The following SHMT1 variants were observed in gnomAD, a reference collection of about 807,000 sequenced individuals.
SHMT1 encodes serine hydroxymethyltransferase, cytosolic.
In SHMT1, 45 loss-of-function variants were observed where a neutral mutation model predicts 49.0. The ratio of observed to expected loss-of-function variants is 0.92; its 90% CI spans 0.72 to 1.18. SHMT1 has a LOEUF of 1.18. Among genes scored for constraint, SHMT1 ranks in the 50% most tolerant of loss-of-function variants. SHMT1 has a pLI of 0.00. For synonymous variants in SHMT1, 232 were observed against 246.6 expected, an observed-to-expected ratio of 0.94 and a Z score of 0.55; for missense variants, 541 against 612.4, an observed-to-expected ratio of 0.88 and a Z score of 1.23.
At chr17:18,348,530 G>A in intron 3 of SHMT1, 90 bp from the exon 4 acceptor site, 1 of 890,590 alleles carries the variant, frequency 1.1e-6, no homozygotes, top group Non-Finnish European at 1.9e-6. Flanking sequence ...GTGGGACAGT[G>A]AAACTAAAGT....
At chr17:18,355,165 C>T (rs1421615911) in intron 2 of SHMT1, among the ~76,000 whole-genome samples, 22 of 145,000 alleles carry the variant, frequency 1.5e-4, no homozygotes, top group African/African-American at 4.9e-4. Context: ...GTCAGGAGAT[C>T]GAGACCATCC....
At chr17:18,361,962 G>C (rs1427853202) in intron 1 of SHMT1, among the ~76,000 whole-genome samples, 1 of 152,110 alleles carries the variant, frequency 6.6e-6, no homozygotes, top group African/African-American at 2.4e-5. Flanking sequence ...CAGGGAAAAA[G>C]ACCTAGTAAG....
intron 3 of SHMT1, among the ~76,000 whole-genome samples, chr17:18,350,628 C>T (rs968317138): frequency 6.6e-6 from 1 of 152,086 alleles, no homozygotes; most frequent in Non-Finnish European, 1.5e-5. Flanking sequence ...GACAACGAGA[C>T]CTTGTCATTC....
intron 1 of SHMT1, among the ~76,000 whole-genome samples, chr17:18,359,027 G>A (rs1451022801): frequency 1.3e-5 from 2 of 150,862 alleles, no homozygotes; most frequent in African/African-American, 4.9e-5. Context: ...AGGCCAAGGC[G>A]TGCGGATCAT....
Position 18,340,930 on chromosome 17 carries a change from G to C in SHMT1, c.520-117C>G, listed in dbSNP as rs746014169. 1.3e-6 allele frequency: 1 copy of C among 768,092 alleles called. No individual in the cohort carries two copies. Among genetic ancestry groups the C allele is most frequent in the Non-Finnish European group, 2.3e-6 (1 of 439,984 alleles). 47.6% of individuals were successfully genotyped at this position (768,092 alleles called of 1,614,324 possible). A position where few individuals can be genotyped will look rare whatever the true frequency, so the allele number is the denominator to read the frequency against. On this transcript the variant is annotated intron_variant, in intron 5 of 11. Transcript: ENST00000316694. This position sits in a 1 kb window ranked among gnomAD's most constrained non-coding sequence, Gnocchi z 4.5. ...CAAGAGGAATGATGTCCTAGATGAG[G>C]ACTTGAGGGTGAGACAGGATGGATA...
intron 3 of SHMT1, among the ~76,000 whole-genome samples, chr17:18,352,692 T>C (rs1353253841): frequency 2.0e-5 from 3 of 151,618 alleles, no homozygotes; most frequent in Non-Finnish European, 4.4e-5. Context: ...TGGTGGTGTG[T>C]GCCTGTAGTC....
At chr17:18,357,853 G>T (rs1329947248) in intron 1 of SHMT1, among the ~76,000 whole-genome samples, 1 of 142,168 alleles carries the variant, frequency 7.0e-6, no homozygotes, top group Non-Finnish European at 1.5e-5. Context: ...CCTACCTACT[G>T]AGCTAGGACT....
chr17:18,330,751 G>A lies in SHMT1; in HGVS notation c.1055-80C>T. 5.8e-6 allele frequency: 6 copies of A among 1,025,642 alleles called. No individual in the cohort carries two copies. The South Asian group carries it at 7.7e-5, about 13-fold the overall frequency. The allele number at this position is 1,025,642 out of a possible 1,614,324, so 63.5% of individuals were successfully genotyped here. Reference sequence around the variant, plus strand: ...ATCTCTGAGAAACGAAGGCGAGGATGAAGGCAGTCAAAGCAGATGAGGTCA... The same window carrying A: ...ATCTCTGAGAAACGAAGGCGAGGATAAAGGCAGTCAAAGCAGATGAGGTCA... On this transcript the variant is annotated intron_variant, in intron 9 of 11. Transcript: ENST00000316694.
intron 5 of SHMT1, among the ~76,000 whole-genome samples, chr17:18,345,100 G>A (rs897407228): frequency 6.6e-6 from 1 of 152,176 alleles, no homozygotes; most frequent in African/African-American, 2.4e-5. Context: ...CAGCGGGTGA[G>A]CTGCACCTCC....
rs572187052 is a variant in SHMT1, at chr17:18,332,144, G to A, written c.1054+1022C>T. The A allele has an allele frequency of 5.9e-5, 9 of 152,388 alleles. No homozygotes were observed. In the East Asian group the frequency reaches 1.7e-3, roughly 29 times the overall value. 9.4% of individuals were successfully genotyped at this position (152,388 alleles called of 1,614,324 possible). ...ACTAGTCCGTGGCCCGGAGGTTGGG[G>A]ACTCCTGAGCTAAAGCACCCTGAAG... On this transcript the variant is annotated intron_variant, in intron 9 of 11. Transcript: ENST00000316694.
rs1231229173 is a variant in SHMT1, at chr17:18,328,028, G to A, written c.*722C>T. On this transcript the variant is annotated 3_prime_UTR_variant, in exon 12 of 12. Transcript: ENST00000316694. ...CATCTATGTTTTGCACTTCAGCTAC[G>A]TGAAAATAAAATTTCTTTGGGAAGG... 8 of 152,534 alleles carry A rather than the reference G, an allele frequency of 5.2e-5. No homozygotes were observed. Among genetic ancestry groups the A allele is most frequent in the Admixed American group, 2.6e-4 (4 of 15,268 alleles). 9.4% of individuals were successfully genotyped at this position (152,534 alleles called of 1,614,324 possible).
chr17:18,350,094 C>T (rs973137452), intron 3 of SHMT1, among the ~76,000 whole-genome samples: 5 of 151,902 alleles, frequency 3.3e-5, no homozygotes, highest in East Asian at 1.9e-4. Context: ...TTTCGGAGGC[C>T]GAGGCGGGCG....
chr17:18,332,680 T>G (rs1567769619), intron 9 of SHMT1: 1 of 225,618 alleles, frequency 4.4e-6, no homozygotes, highest in South Asian at 6.5e-5. Context: ...AGCTCCAGAA[T>G]GTACAGATCC....
In SHMT1 at chr17:18,330,597, G is replaced by T; in HGVS notation, c.1129C>A (p.Leu377Ile). 1 of 1,614,110 alleles carries T rather than the reference G, an allele frequency of 6.2e-7. No homozygotes were observed. Among genetic ancestry groups the T allele is most frequent in the Non-Finnish European group, 8.5e-7 (1 of 1,179,940 alleles). Residue 377 changes from leucine to isoleucine, a missense_variant, in exon 10 of 12, where the codon CTA (leucine) becomes ATA (isoleucine). Coordinates refer to ENST00000316694, the MANE Select transcript of SHMT1 (RefSeq NM_004169.5). ...GTDGGRAEKV[L>I]EACSIACNKN... ...TTGCAGGCAATAGAACAGGCTTCTAGCACCTTCTCAGCCCTTCCACCATCT... is the reference window on the plus strand; with the variant it reads ...TTGCAGGCAATAGAACAGGCTTCTATCACCTTCTCAGCCCTTCCACCATCT...
intron 1 of SHMT1, among the ~76,000 whole-genome samples, chr17:18,358,148 C>CT (rs1986423512): frequency 1.3e-5 from 1 of 75,398 alleles, no homozygotes; most frequent in Admixed American, 1.5e-4. Context: ...GGCTAGGACT[C>CT]TTAAAAAAAA....
intron 11 of SHMT1, among the ~76,000 whole-genome samples, 154 bp from the exon 12 acceptor site, chr17:18,329,073 C>T (rs895289417): frequency 9.2e-5 from 14 of 152,220 alleles, no homozygotes; most frequent in African/African-American, 3.4e-4. Context: ...CTGAGATGCA[C>T]CCACCCTTGG....
intron 7 of SHMT1, among the ~76,000 whole-genome samples, chr17:18,339,488 T>C (rs1984241377): frequency 6.6e-6 from 1 of 151,950 alleles, no homozygotes; most frequent in Admixed American, 6.6e-5. Flanking sequence ...CCTCCTATGT[T>C]CCTAGGACCT....
chr17:18,340,120 T>C lies in SHMT1; in HGVS notation c.737A>G (p.Glu246Gly). Residue 246 changes from glutamate (E) to glycine (G), a missense_variant, in exon 7 of 12, where the codon GAA (glutamate) becomes GGA (glycine). By Grantham distance (98) the Glu-to-Gly change is moderately conservative. Coordinates refer to ENST00000316694, the MANE Select transcript of SHMT1 (RefSeq NM_004169.5). This position sits in a 1 kb window ranked among gnomAD's most constrained non-coding sequence, Gnocchi z 4.5. ...VAAGVVPSPF[E>G]HCHVVTTTTH... ...GGTGGTGGTCACCACATGGCAGTGT[T>C]CAAATGGGGAGGGCACCACGCCAGC... The C allele has an allele frequency of 6.2e-7, 1 of 1,614,050 alleles. No individual in the cohort carries two copies. The highest frequency in any genetic ancestry group is 8.5e-7 in the Non-Finnish European group (1 of 1,180,002).
At chr17:18,329,053 C>G (rs1746714116) in intron 11 of SHMT1, 134 bp from the exon 12 acceptor site, 1 of 1,163,028 alleles carries the variant, frequency 8.6e-7, no homozygotes. Flanking sequence ...CCATGCTTAC[C>G]TCAATTACTC....
Sources: allele counts gnomAD v4.1 joint callset (sites outside exome capture counted in the v4.1 genomes callset), GRCh38; gene constraint gnomAD v4.1.1; non-coding constraint Gnocchi (gnomAD v3.1); transcripts MANE v1.5; gene names NCBI Gene and HGNC (gene_info 2026-07-23, HGNC 2026-07-21).